Variants in RAB28 observed in about 807,000 individuals in gnomAD.
RAB28 encodes the protein RAB28, member RAS oncogene family, also known as ras-related protein Rab-28.
Under a neutral mutation model 31.7 loss-of-function variants are expected in RAB28, and 24 were observed. That is an observed-to-expected ratio of 0.76 (90% CI 0.55 to 1.06). RAB28 has a LOEUF of 1.06. Ranked by LOEUF, RAB28 falls within the 50% of genes least tolerant of loss-of-function variation. The pLI is 0.00. For synonymous variants in RAB28, 100 were observed against 90.4 expected (o/e 1.11, Z -0.60); for missense variants, 254 against 258.5 (o/e 0.98, Z 0.12).
chr4:13,409,912 G>A (rs1712327664), intron 4 of RAB28, among the ~76,000 whole-genome samples: 3 of 152,160 alleles, frequency 2.0e-5, no homozygotes, highest in Admixed American at 2.0e-4. Flanking sequence ...TTGTGATCCT[G>A]AGTGCTGGAG....
At chr4:13,442,843 G>A (rs1321058543) in intron 4 of RAB28, among the ~76,000 whole-genome samples, 1 of 152,076 alleles carries the variant, frequency 6.6e-6, no homozygotes, top group African/African-American at 2.4e-5. Context: ...ACAAAACTAA[G>A]GTAAAAAGAG....
chr4:13,474,230 G>A, intron 3 of RAB28, 88 bp downstream of exon 3: 1 of 859,648 alleles, frequency 1.2e-6, no homozygotes, highest in Admixed American at 1.7e-5. Flanking sequence ...GAAAGAATGT[G>A]TGTGTGTGTG....
chr4:13,387,369 T>G (rs914033755), intron 4 of RAB28, among the ~76,000 whole-genome samples: 1 of 152,082 alleles, frequency 6.6e-6, no homozygotes, highest in African/African-American at 2.4e-5. Flanking sequence ...ACATTAAATT[T>G]AATTATAAAT....
chr4:13,401,151 C>T (rs1711728035), intron 4 of RAB28, among the ~76,000 whole-genome samples: 1 of 152,154 alleles, frequency 6.6e-6, no homozygotes, highest in Admixed American at 6.5e-5. Context: ...TTCTTCCATA[C>T]ATGTTTGGTA....
At position 13,484,134 on chromosome 4, in the gene RAB28, T is replaced by C; in HGVS notation, c.17A>G (p.Glu6Gly). The C allele has an allele frequency of 6.3e-7, 1 of 1,591,052 alleles. No homozygotes were observed. The highest frequency in any genetic ancestry group is 8.6e-7 in the Non-Finnish European group (1 of 1,168,904). ...TTTCAGTTGCCGGTCCTGGCTCTCC[T>C]CCTCAGAGTCCGACATGGTGTCCCG... MSDSEEESQDRQLKIV... is the reference protein window; with the variant it reads MSDSEGESQDRQLKIV... The change falls in exon 1 of 7, where the codon GAG becomes GGG. Residue 6 changes from glutamate to glycine, a missense_variant. Glu to Gly is a moderately conservative substitution (Grantham distance 98). Transcript: ENST00000330852.
chr4:13,461,332 C>T (rs1715580238), intron 3 of RAB28, among the ~76,000 whole-genome samples: 1 of 152,098 alleles, frequency 6.6e-6, no homozygotes, highest in Admixed American at 6.5e-5. Context: ...TGTCGATTTC[C>T]TCTTTTAGTC....
At chr4:13,387,096 G>C (rs1207922497) in intron 4 of RAB28, among the ~76,000 whole-genome samples, 2 of 152,068 alleles carry the variant, frequency 1.3e-5, no homozygotes, top group East Asian at 3.9e-4. Flanking sequence ...CCTACAAGAG[G>C]ATGGAGGGTG....
chr4:13,440,400 T>G (rs1714354143), intron 4 of RAB28, among the ~76,000 whole-genome samples: 1 of 152,248 alleles, frequency 6.6e-6, no homozygotes, highest in Non-Finnish European at 1.5e-5. Flanking sequence ...CTTCTTTAAT[T>G]TGCACAGCAT....
At chr4:13,375,954 A>T (rs1728906868) in intron 6 of RAB28, among the ~76,000 whole-genome samples, 1 of 152,142 alleles carries the variant, frequency 6.6e-6, no homozygotes, top group South Asian at 2.1e-4. Flanking sequence ...TGTTACTTCT[A>T]ACCAAACCAC....
At chr4:13,436,349 T>C (rs1245621935) in intron 4 of RAB28, among the ~76,000 whole-genome samples, 1 of 152,240 alleles carries the variant, frequency 6.6e-6, no homozygotes, top group Middle Eastern at 3.4e-3. Context: ...CTGGAAGTCC[T>C]AGCCAGAGCA....
intron 4 of RAB28, among the ~76,000 whole-genome samples, chr4:13,400,552 C>T (rs537948547): frequency 6.6e-6 from 1 of 151,878 alleles, no homozygotes; most frequent in South Asian, 2.1e-4. Context: ...TTTTATATAC[C>T]TTTTTCTTGC....
At position 13,440,808 on chromosome 4, in the gene RAB28, A is replaced by G. The variant is rs150028955; in HGVS notation, c.391+19891T>C. ...AAATGAGACCATATGCATGGACCCT[A>G]ATTCACTATGACTAGCGCTGTAAGA... On this transcript the variant is annotated intron_variant, in intron 4 of 6. Coordinates refer to ENST00000330852, the MANE Select transcript of RAB28 (RefSeq NM_001017979.3). Among the ~76,000 whole-genome samples, 16 of 152,188 alleles carry G rather than the reference A, an allele frequency of 1.1e-4. 1 individual carries two copies. The Middle Eastern group carries it at 0.02, about 194-fold the overall frequency.
intron 4 of RAB28, among the ~76,000 whole-genome samples, chr4:13,422,257 G>GAAA (rs1384239374): frequency 6.6e-6 from 1 of 152,188 alleles, no homozygotes; most frequent in African/African-American, 2.4e-5. Flanking sequence ...AACAGATGCT[G>GAAA]GAGAGGACGT....
chr4:13,415,139 AAG>A (rs1712674844), intron 4 of RAB28, among the ~76,000 whole-genome samples: 1 of 152,244 alleles, frequency 6.6e-6, no homozygotes. Context: ...ACATCATCAA[AAG>A]AGACTATCAG....
At chr4:13,463,848 A>C (rs149620116) in intron 3 of RAB28, among the ~76,000 whole-genome samples, 3 of 152,244 alleles carry the variant, frequency 2.0e-5, no homozygotes, top group Non-Finnish European at 4.4e-5. Flanking sequence ...ATATTAAAAT[A>C]TAAAAGGAAT....
intron 3 of RAB28, among the ~76,000 whole-genome samples, chr4:13,463,942 G>A (rs958232632): frequency 6.6e-6 from 1 of 151,910 alleles, no homozygotes; most frequent in African/African-American, 2.4e-5. Flanking sequence ...GAAAAAGGCA[G>A]AACAAACTGA....
rs1406189625 is a variant in RAB28 at position 13,461,774 on chromosome 4, T to G, written c.262-946A>C. ...CAAACACTTAATACAAAGCTCTACA[T>G]ACAGTATAAGCCCGGACCCTAATGG... On this transcript the variant is annotated intron_variant, in intron 3 of 6. Transcript: ENST00000330852. 2.0e-5 allele frequency among the ~76,000 whole-genome samples: 3 copies of G among 152,172 alleles called. No individual in the cohort carries two copies. In the East Asian group the frequency reaches 5.8e-4, roughly 29 times the overall value.
intron 4 of RAB28, among the ~76,000 whole-genome samples, chr4:13,399,088 G>A (rs1711603598): frequency 6.6e-6 from 1 of 151,992 alleles, no homozygotes; most frequent in South Asian, 2.1e-4. Flanking sequence ...GCAGAGAAAG[G>A]GATAAAAGAC....
intron 4 of RAB28, among the ~76,000 whole-genome samples, chr4:13,398,685 G>A (rs1711584023): frequency 6.6e-6 from 1 of 151,910 alleles, no homozygotes; most frequent in African/African-American, 2.4e-5. Context: ...GGCTGAGGCA[G>A]GAGAACGGCG....
Sources: gnomAD v4.1 joint callset for allele counts (sites outside exome capture counted in the v4.1 genomes callset) on GRCh38, gnomAD v4.1.1 for gene constraint, MANE v1.5 for transcripts, NCBI Gene and HGNC (gene_info 2026-07-23, HGNC 2026-07-21) for gene names.